Variants in CYP2U1 observed in about 807,000 individuals in gnomAD.
The protein encoded by CYP2U1 is cytochrome P450 2U1.
CYP2U1 carries 28 observed loss-of-function variants against 42.8 expected under a neutral mutation model. The ratio of observed to expected loss-of-function variants is 0.65; its 90% CI spans 0.48 to 0.90. CYP2U1 has a LOEUF of 0.90. Among genes scored for constraint, CYP2U1 ranks in the 40% least tolerant of loss-of-function variants. CYP2U1 has a pLI of 0.00. For synonymous variants in CYP2U1, 296 were observed against 278.9 expected (o/e 1.06, Z -0.61); for missense variants, 642 against 693.8 (o/e 0.93, Z 0.84).
In CYP2U1 at chr4:107,950,269, A is replaced by G. The variant is rs1036607521; in HGVS notation, c.1481A>G (p.Gln494Arg). 6.8e-6 allele frequency: 11 copies of G among 1,612,970 alleles called. No individual in the cohort carries two copies. The Admixed American group carries it at 8.4e-5, about 12-fold the overall frequency. The change falls in exon 5 of 5, where the codon CAA becomes CGA. Residue 494 changes from glutamine to arginine, a missense_variant. Transcript: ENST00000332884. Reference protein sequence around the residue: ...GIGKRVCMGEQLAKMELFLMF... With the variant: ...GIGKRVCMGERLAKMELFLMF... The stretch of plus-strand genomic sequence containing the variant: ...GGGAAGCGGGTGTGTATGGGAGAAC[A>G]ACTGGCAAAGATGGAATTATTCCTA...
chr4:107,931,819 T>TCCCGCCCGGGCC lies in CYP2U1; in HGVS notation c.178_189dup (p.Pro60_Pro63dup). 6.6e-7 allele frequency: 1 copy of TCCCGCCCGGGCC among 1,524,584 alleles called. No individual in the cohort carries two copies. Among genetic ancestry groups the TCCCGCCCGGGCC allele is most frequent in the Non-Finnish European group, 8.8e-7 (1 of 1,135,184 alleles). 94.4% of individuals were successfully genotyped at this position (1,524,584 alleles called of 1,614,324 possible). On this transcript the variant is annotated inframe_insertion, in exon 1 of 5. Coordinates refer to ENST00000332884, the MANE Select transcript of CYP2U1 (RefSeq NM_183075.3). ...CTGCGGAGGCGCCGGGCGCGGGGCA[T>TCCCGCCCGGGCC]CCCGCCCGGGCCCACGCCCTGGCCT...
chr4:107,946,740 C>G (rs1433400383), intron 2 of CYP2U1, among the ~76,000 whole-genome samples: 1 of 152,122 alleles, frequency 6.6e-6, no homozygotes. Context: ...GCTGGGGCTG[C>G]AGACTTGAAT....
chr4:107,945,175 T>C lies in CYP2U1; in HGVS notation c.696T>C (p.Ile232=), dbSNP rs765631121. 2.6e-5 allele frequency: 42 copies of C among 1,613,860 alleles called. No individual in the cohort carries two copies. Among genetic ancestry groups the C allele is most frequent in the Non-Finnish European group, 3.4e-5 (40 of 1,180,008 alleles). ...TCAGCAATGCCGTCTCTAACATCAT[T>C]TGCTCCTTGTGCTTTGGCCAGCGCT... The part of the protein sequence containing the change: ...SIISNAVSNI[I]CSLCFGQRFD... Residue 232 remains isoleucine, a synonymous_variant, in exon 2 of 5, where the codon ATT becomes ATC. Coordinates refer to ENST00000332884, the MANE Select transcript of CYP2U1 (RefSeq NM_183075.3).
chr4:107,938,510 T>G (rs1733359802), intron 1 of CYP2U1: 1 of 152,136 alleles, frequency 6.6e-6, no homozygotes, highest in Admixed American at 6.5e-5. Context: ...TCATTTTTCA[T>G]TGAAAAGCTG....
At position 107,945,290 on chromosome 4, in the gene CYP2U1, A is replaced by C. The variant is rs1057524672; in HGVS notation, c.811A>C (p.Asn271His). ...ICLNSQVLLV[N>H]ICPWLYYLPF... ...TCTGAACAGTCAAGTCCTCCTGGTC[A>C]ACATATGCCCTTGGCTTTATTACCT... The change falls in exon 2 of 5, where the codon AAC (asparagine) becomes CAC (histidine). Residue 271 changes from asparagine to histidine, a missense_variant. Coordinates refer to ENST00000332884, the MANE Select transcript of CYP2U1 (RefSeq NM_183075.3). 1.9e-6 allele frequency: 3 copies of C among 1,614,036 alleles called. No individual in the cohort carries two copies. Among genetic ancestry groups the C allele is most frequent in the African/African-American group, 1.3e-5 (1 of 74,908 alleles).
In CYP2U1 at chr4:107,952,203, TTTTG is replaced by T. The variant is rs1733934077; in HGVS notation, c.*1783_*1786del. On this transcript the variant is annotated 3_prime_UTR_variant, in exon 5 of 5. Transcript: ENST00000332884. ...TTATTTGAATAATTACAAGTCATGT[TTTTG>T]TTGCTTAAAGGTGATAAATCAGTGT... 6.6e-6 allele frequency: 1 copy of T among 152,266 alleles called. No individual in the cohort carries two copies. The highest frequency in any genetic ancestry group is 2.4e-5 in the African/African-American group (1 of 41,462). The allele number at this position is 152,266 out of a possible 1,614,324, so 9.4% of individuals were successfully genotyped here.
chr4:107,931,888 G>C lies in CYP2U1; in HGVS notation c.245G>C (p.Arg82Pro), dbSNP rs1458884894. The C allele has an allele frequency of 1.3e-6, 2 of 1,548,672 alleles. No individual in the cohort carries two copies. The highest frequency in any genetic ancestry group is 4.9e-5 in the East Asian group (2 of 40,874). The change falls in exon 1 of 5, where the codon CGG becomes CCG. Residue 82 changes from arginine to proline, a missense_variant. Coordinates refer to ENST00000332884, the MANE Select transcript of CYP2U1 (RefSeq NM_183075.3). ...FGHVLLPPFL[R>P]RRSWLSSRTR... ...CACGTGCTGCTGCCTCCCTTCCTCC[G>C]GCGGCGGAGCTGGCTGAGCAGCAGG...
In CYP2U1 at chr4:107,950,347, A is replaced by G. The variant is rs1733867007; in HGVS notation, c.1559A>G (p.Lys520Arg). 6.2e-7 allele frequency: 1 copy of G among 1,614,122 alleles called. No individual in the cohort carries two copies. The highest frequency in any genetic ancestry group is 2.2e-5 in the East Asian group (1 of 44,872). ...GCATTTGCTTTACCTGAGGATTCTAAGAAGCCCCTCCTGACTGGAAGATTT... is the reference window on the plus strand; with the variant it reads ...GCATTTGCTTTACCTGAGGATTCTAGGAAGCCCCTCCTGACTGGAAGATTT... ...SFAFALPEDSKKPLLTGRFGL... is the reference protein window; with the variant it reads ...SFAFALPEDSRKPLLTGRFGL... Residue 520 changes from lysine to arginine, a missense_variant, in exon 5 of 5, where the codon AAG becomes AGG. Coordinates refer to ENST00000332884, the MANE Select transcript of CYP2U1 (RefSeq NM_183075.3).
At chr4:107,940,975 A>G (rs1327338265) in intron 1 of CYP2U1, 3 of 152,126 alleles carry the variant, frequency 2.0e-5, no homozygotes, top group African/African-American at 7.2e-5. Flanking sequence ...ATCTTCCCCA[A>G]AAAAGAGACA....
chr4:107,944,310 T>G (rs1398160019), intron 1 of CYP2U1, among the ~76,000 whole-genome samples: 1 of 152,106 alleles, frequency 6.6e-6, no homozygotes, highest in African/African-American at 2.4e-5. Flanking sequence ...TGTCTTTTTC[T>G]TCTTTTTTTA....
chr4:107,950,224 T>A, intron 4 of CYP2U1, 21 bp from the exon 5 acceptor site: 1 of 1,579,456 alleles, frequency 6.3e-7, no homozygotes. Context: ...ATCCTTCATT[T>A]TTTTCTGATC....
chr4:107,941,033 C>T (rs1733474550), intron 1 of CYP2U1: 1 of 151,662 alleles, frequency 6.6e-6, no homozygotes, highest in African/African-American at 2.4e-5. Flanking sequence ...AAAGGTTTTA[C>T]AATACTAAGA....
chr4:107,945,425 G>A lies in CYP2U1; in HGVS notation c.946G>A (p.Asp316Asn), dbSNP rs766970458. The A allele has an allele frequency of 6.2e-7, 1 of 1,614,016 alleles. No individual in the cohort carries two copies. The highest frequency in any genetic ancestry group is 8.5e-7 in the Non-Finnish European group (1 of 1,180,010). Reference protein sequence around the residue: ...QESLDRENPQDFIDMYLLHME... With the variant: ...QESLDRENPQNFIDMYLLHME... ...GTCTCTGGATAGAGAGAACCCTCAG[G>A]ACTTCATAGACATGTACCTTCTCCA... The change falls in exon 2 of 5, where the codon GAC becomes AAC. Residue 316 changes from aspartate to asparagine, a missense_variant. By Grantham distance (23) the Asp-to-Asn change is conservative. Transcript: ENST00000332884.
At chr4:107,932,864 AGCCTC>A (rs901500752) in intron 1 of CYP2U1, among the ~76,000 whole-genome samples, 5 of 152,200 alleles carry the variant, frequency 3.3e-5, no homozygotes, top group Non-Finnish European at 7.3e-5. Context: ...CAAGTAGGGT[AGCCTC>A]CCTTGTTAGA....
At chr4:107,936,317 A>C (rs1208526683) in intron 1 of CYP2U1, 1 of 152,292 alleles carries the variant, frequency 6.6e-6, no homozygotes, top group Non-Finnish European at 1.5e-5. Context: ...CTAATGCAAC[A>C]GTGTCAAGAG....
At chr4:107,935,221 G>A (rs1052185975) in intron 1 of CYP2U1, among the ~76,000 whole-genome samples, 3 of 152,082 alleles carry the variant, frequency 2.0e-5, no homozygotes, top group African/African-American at 7.2e-5. Flanking sequence ...GTGCTTCTTG[G>A]TGGCTACTGT....
Position 107,931,951 on chromosome 4 carries a change from C to T in CYP2U1, c.308C>T (p.Pro103Leu), listed in dbSNP as rs147506864. ...AAGIDPSVIGPQVLLAHLARV... is the reference protein window; with the variant it reads ...AAGIDPSVIGLQVLLAHLARV... ...GGGATTGATCCCTCGGTCATAGGCCCGCAGGTGCTCCTGGCTCACCTAGCC... is the reference window on the plus strand; with the variant it reads ...GGGATTGATCCCTCGGTCATAGGCCTGCAGGTGCTCCTGGCTCACCTAGCC... The change falls in exon 1 of 5, where the codon CCG becomes CTG. Residue 103 changes from proline to leucine, a missense_variant. Pro to Leu is a moderately conservative substitution (Grantham distance 98). Coordinates refer to ENST00000332884, the MANE Select transcript of CYP2U1 (RefSeq NM_183075.3). The T allele has an allele frequency of 1.1e-3, 1,682 of 1,551,504 alleles. 4 individuals are homozygous for T. Among genetic ancestry groups the T allele is most frequent in the Admixed American group, 2.8e-3 (142 of 51,026 alleles).
intron 1 of CYP2U1, among the ~76,000 whole-genome samples, chr4:107,942,297 T>C (rs1443011679): frequency 2.0e-5 from 3 of 152,134 alleles, no homozygotes; most frequent in African/African-American, 7.2e-5. Flanking sequence ...ACCCACTGTC[T>C]GCACCTCAGC....
In CYP2U1 at chr4:107,952,172, C is replaced by T. The variant is rs74890743; in HGVS notation, c.*1749C>T. ...TAAGAAGTGTACTTAAGAGAAAAAT[C>T]CTACCTTATTTGAATAATTACAAGT... On this transcript the variant is annotated 3_prime_UTR_variant, in exon 5 of 5. Coordinates refer to ENST00000332884, the MANE Select transcript of CYP2U1 (RefSeq NM_183075.3). 4.7e-4 allele frequency: 72 copies of T among 152,270 alleles called. No individual in the cohort carries two copies. Among genetic ancestry groups the T allele is most frequent in the African/African-American group, 1.7e-3 (71 of 41,554 alleles). The allele number at this position is 152,270 out of a possible 1,614,324, so 9.4% of individuals were successfully genotyped here.
Sources: gnomAD v4.1 joint callset for allele counts (sites outside exome capture counted in the v4.1 genomes callset) on GRCh38, gnomAD v4.1.1 for gene constraint, MANE v1.5 for transcripts, NCBI Gene and HGNC (gene_info 2026-07-23, HGNC 2026-07-21) for gene names.